Variants in DOK6 observed in about 807,000 individuals in gnomAD.
The protein encoded by DOK6 is downstream of tyrosine kinase 6.
A neutral mutation model predicts 44.0 loss-of-function variants in DOK6; 22 were observed. The observed-to-expected ratio is 0.50, with a 90% CI of 0.36 to 0.71. The LOEUF is 0.71. Among genes scored for constraint, DOK6 ranks in the 30% least tolerant of loss-of-function variants. The pLI, the probability that DOK6 is intolerant of heterozygous loss-of-function variation, is 0.00. For missense variants in DOK6, 340 were observed against 416.4 expected (o/e 0.82, Z 1.60); for synonymous variants, 166 against 145.5 (o/e 1.14, Z -1.01).
At position 69,805,694 on chromosome 18, in the gene DOK6, C is replaced by CA. The variant is rs548875131; in HGVS notation, c.857-35544dup. On this transcript the variant is annotated intron_variant, in intron 7 of 7. Coordinates refer to ENST00000382713, the MANE Select transcript of DOK6 (RefSeq NM_152721.6). ...TAGTATTTCCAAATAGATTTCTCAC[C>CA]AAAAAATCCTGATCTAATGTAAAGC... 1.7e-3 allele frequency among the ~76,000 whole-genome samples: 260 copies of CA among 151,992 alleles called. 1 individual carries two copies. The highest frequency in any genetic ancestry group is 6.1e-3 in the African/African-American group (254 of 41,502).
At chr18:69,690,531 G>A (rs186998044) in intron 4 of DOK6, among the ~76,000 whole-genome samples, 4 of 152,164 alleles carry the variant, frequency 2.6e-5, no homozygotes, top group African/African-American at 4.8e-5. Context: ...TGCAATAATC[G>A]TCTATTATAG....
intron 1 of DOK6, among the ~76,000 whole-genome samples, chr18:69,524,214 A>C (rs549407324): frequency 1.3e-5 from 2 of 152,046 alleles, no homozygotes; most frequent in East Asian, 1.9e-4. Context: ...ACAATTTTGC[A>C]TAAGAATTAA....
chr18:69,476,457 G>T (rs150572323), intron 1 of DOK6, among the ~76,000 whole-genome samples: 10 of 151,660 alleles, frequency 6.6e-5, no homozygotes, highest in Non-Finnish European at 1.3e-4. Flanking sequence ...TGGAAGGCAC[G>T]GGTAATCGTC....
At chr18:69,721,945 C>T (rs973224542) in intron 5 of DOK6, among the ~76,000 whole-genome samples, 7 of 152,130 alleles carry the variant, frequency 4.6e-5, no homozygotes, top group East Asian at 1.9e-4. Flanking sequence ...CTGTCTTTAA[C>T]GAAAAGCCTT....
At chr18:69,406,500 A>G (rs1398574923) in intron 1 of DOK6, among the ~76,000 whole-genome samples, 1 of 152,198 alleles carries the variant, frequency 6.6e-6, no homozygotes, top group African/African-American at 2.4e-5. Flanking sequence ...GGTAAATCAG[A>G]GAGAGTTATC....
At chr18:69,597,610 A>G (rs1983774614) in intron 2 of DOK6, among the ~76,000 whole-genome samples, 1 of 152,202 alleles carries the variant, frequency 6.6e-6, no homozygotes, top group African/African-American at 2.4e-5. Flanking sequence ...GTCAACAAGA[A>G]AAATCACAAA....
At chr18:69,669,570 T>C (rs1014611821) in intron 3 of DOK6, among the ~76,000 whole-genome samples, 25 of 152,302 alleles carry the variant, frequency 1.6e-4, no homozygotes, top group African/African-American at 5.8e-4. Flanking sequence ...CCAGATGTCC[T>C]TCGAAATCTC....
intron 1 of DOK6, among the ~76,000 whole-genome samples, chr18:69,438,194 TTTG>T (rs1979036481): frequency 6.6e-6 from 1 of 152,146 alleles, no homozygotes; most frequent in Admixed American, 6.6e-5. Context: ...AGTGATGCTA[TTTG>T]ATAGCATTTT....
chr18:69,573,134 CA>C (rs1412981520), intron 2 of DOK6, among the ~76,000 whole-genome samples: 3 of 151,024 alleles, frequency 2.0e-5, no homozygotes, highest in African/African-American at 7.3e-5. Context: ...TTCATTCTAA[CA>C]AAAAAGCTGG....
rs1248924437 is a variant in DOK6, at chr18:69,527,345, G to A, written c.67-37142G>A. Among the ~76,000 whole-genome samples the A allele has an allele frequency of 2.6e-5, 4 of 152,296 alleles. No homozygotes were observed. The East Asian group carries it at 5.8e-4, about 22-fold the overall frequency. On this transcript the variant is annotated intron_variant, in intron 1 of 7. Coordinates refer to ENST00000382713, the MANE Select transcript of DOK6 (RefSeq NM_152721.6). ...CTCACAGTTCTAAATGGCTAGGGAG[G>A]CCTCAGGAAACTTACAATCATAGCA...
chr18:69,577,574 G>A (rs1333876591), intron 2 of DOK6, among the ~76,000 whole-genome samples: 1 of 152,044 alleles, frequency 6.6e-6, no homozygotes, highest in East Asian at 1.9e-4. Flanking sequence ...CCACATGCAG[G>A]TGTCTCAGGG....
At chr18:69,537,331 G>A (rs1418529776) in intron 1 of DOK6, among the ~76,000 whole-genome samples, 1 of 151,840 alleles carries the variant, frequency 6.6e-6, no homozygotes, top group Admixed American at 6.6e-5. Context: ...TTTTTTCCGC[G>A]GGCTATGTCA....
At chr18:69,413,768 T>C (rs1457274271) in intron 1 of DOK6, among the ~76,000 whole-genome samples, 1 of 151,934 alleles carries the variant, frequency 6.6e-6, no homozygotes, top group Admixed American at 6.6e-5. Flanking sequence ...AATTAAAAAC[T>C]TTTGCTCTGT....
At chr18:69,501,110 A>C (rs1184737236) in intron 1 of DOK6, among the ~76,000 whole-genome samples, 1 of 152,150 alleles carries the variant, frequency 6.6e-6, no homozygotes, top group Non-Finnish European at 1.5e-5. Context: ...GGTTAATAGC[A>C]TTCTCATATA....
intron 1 of DOK6, among the ~76,000 whole-genome samples, chr18:69,461,944 C>T (rs947411266): frequency 2.0e-5 from 3 of 152,110 alleles, no homozygotes; most frequent in Admixed American, 2.0e-4. Context: ...CTTGTTGTCG[C>T]CTATAGGATC....
intron 7 of DOK6, among the ~76,000 whole-genome samples, chr18:69,787,646 T>A (rs141655104): frequency 2.0e-5 from 3 of 152,300 alleles, no homozygotes; most frequent in Admixed American, 2.0e-4. Context: ...TATTCCATTA[T>A]GACCAGAAAC....
At position 69,463,870 on chromosome 18, in the gene DOK6, T is replaced by C. The variant is rs564856319; in HGVS notation, c.66+62560T>C. Among the ~76,000 whole-genome samples the C allele has an allele frequency of 3.9e-5, 6 of 152,282 alleles. No homozygotes were observed. In the East Asian group the frequency reaches 7.7e-4, roughly 20 times the overall value. ...TATTTAGATTTTATGGCACTATGTC[T>C]GTCAGGCTAATGCTTAGCGTTCCAT... On this transcript the variant is annotated intron_variant, in intron 1 of 7. Transcript: ENST00000382713.
At chr18:69,582,107 T>G (rs1049252557) in intron 2 of DOK6, among the ~76,000 whole-genome samples, 1 of 152,170 alleles carries the variant, frequency 6.6e-6, no homozygotes, top group African/African-American at 2.4e-5. Flanking sequence ...TAGTAAAAAA[T>G]GTATGCTTTG....
chr18:69,591,119 C>G (rs900256747), intron 2 of DOK6, among the ~76,000 whole-genome samples: 2 of 152,144 alleles, frequency 1.3e-5, no homozygotes, highest in Non-Finnish European at 2.9e-5. Context: ...TAAGTAAACA[C>G]ACAAATAAAC....
Sources: allele counts gnomAD v4.1 joint callset (sites outside exome capture counted in the v4.1 genomes callset), GRCh38; gene constraint gnomAD v4.1.1; transcripts MANE v1.5; gene names NCBI Gene and HGNC (gene_info 2026-07-23, HGNC 2026-07-21).